The following JAKMIP2 variants were observed in gnomAD, a reference collection of about 807,000 sequenced individuals.
JAKMIP2 encodes the protein janus kinase and microtubule-interacting protein 2.
In JAKMIP2, 25 loss-of-function variants were observed where a neutral mutation model predicts 115.0. That is an observed-to-expected ratio of 0.22 (90% CI 0.16 to 0.30). JAKMIP2 has a LOEUF of 0.30. Among genes scored for constraint, JAKMIP2 ranks in the 10% least tolerant of loss-of-function variants. The pLI, the probability that JAKMIP2 is intolerant of heterozygous loss-of-function variation, is 1.00. For synonymous variants in JAKMIP2, 334 were observed against 343.6 expected, an observed-to-expected ratio of 0.97 and a Z score of 0.31; for missense variants, 642 against 957.6, an observed-to-expected ratio of 0.67 and a Z score of 4.35.
intron 17 of JAKMIP2, among the ~76,000 whole-genome samples, chr5:147,621,931 G>A (rs1756869977): frequency 6.6e-6 from 1 of 152,038 alleles, no homozygotes; most frequent in South Asian, 2.1e-4. Context: ...GCAATGGCGC[G>A]ATCTCGGCTC....
intron 21 of JAKMIP2, chr5:147,594,605 A>G (rs1270929614): frequency 1.3e-5 from 4 of 302,612 alleles, no homozygotes; most frequent in Non-Finnish European, 2.1e-5. Context: ...AAATGCTGTG[A>G]TTACAGAGCC....
chr5:147,679,535 G>A lies in JAKMIP2; in HGVS notation c.-148-7581C>T, dbSNP rs553358439. ...TGCTATGAATGTAGCTCAGAGTGGA[G>A]TGATAAAGCATGAAGACTTCATAAA... On this transcript the variant is annotated intron_variant, in intron 1 of 21. Coordinates refer to ENST00000616793, the MANE Select transcript of JAKMIP2 (RefSeq NM_001270941.2). 4.6e-5 allele frequency among the ~76,000 whole-genome samples: 7 copies of A among 152,356 alleles called. No individual in the cohort carries two copies. The South Asian group carries it at 1.2e-3, about 27-fold the overall frequency.
chr5:147,691,787 C>A (rs1267391393), intron 1 of JAKMIP2, among the ~76,000 whole-genome samples: 1 of 152,158 alleles, frequency 6.6e-6, no homozygotes, highest in Non-Finnish European at 1.5e-5. Context: ...GATGTCCACG[C>A]CTCATGGGAG....
chr5:147,632,917 A>T, intron 12 of JAKMIP2, 139 bp from the exon 13 acceptor site: 1 of 580,854 alleles, frequency 1.7e-6, no homozygotes, highest in Non-Finnish European at 3.1e-6. Context: ...TGTGAATAAA[A>T]TAAGTATTTG....
At chr5:147,606,777 T>C (rs1756037929) in intron 20 of JAKMIP2, among the ~76,000 whole-genome samples, 2 of 152,188 alleles carry the variant, frequency 1.3e-5, no homozygotes, top group African/African-American at 2.4e-5. Context: ...TTGGGCAGTA[T>C]GGCCATTTTC....
intron 1 of JAKMIP2, among the ~76,000 whole-genome samples, chr5:147,771,230 G>A (rs994264951): frequency 1.5e-4 from 23 of 152,174 alleles, no homozygotes; most frequent in African/African-American, 5.1e-4. Flanking sequence ...TCAGAATCTC[G>A]TTCCATCAGT....
intron 16 of JAKMIP2, among the ~76,000 whole-genome samples, chr5:147,628,218 C>T (rs917065556): frequency 1.3e-5 from 2 of 152,086 alleles, no homozygotes; most frequent in African/African-American, 4.8e-5. Context: ...ACTCTGAATA[C>T]ACCAATTTAT....
intron 1 of JAKMIP2, among the ~76,000 whole-genome samples, chr5:147,733,738 G>T (rs1030587011): frequency 6.6e-6 from 1 of 152,132 alleles, no homozygotes; most frequent in Admixed American, 6.6e-5. Flanking sequence ...TCCTGTGTCA[G>T]TTTGCTGAGA....
intron 21 of JAKMIP2, among the ~76,000 whole-genome samples, chr5:147,592,948 A>G (rs1468478941): frequency 6.6e-6 from 1 of 152,186 alleles, no homozygotes; most frequent in African/African-American, 2.4e-5. Flanking sequence ...GTCACAGAGG[A>G]GAACCTGTGG....
chr5:147,658,455 G>T (rs1336370073), intron 3 of JAKMIP2, among the ~76,000 whole-genome samples: 1 of 152,200 alleles, frequency 6.6e-6, no homozygotes, highest in Non-Finnish European at 1.5e-5. Context: ...GTTGGCCCCT[G>T]CTGGGAGGTC....
rs765835727 is a variant in JAKMIP2, at chr5:147,588,950, T to A, written c.*2757A>T. On this transcript the variant is annotated 3_prime_UTR_variant, in exon 22 of 22. Coordinates refer to ENST00000616793, the MANE Select transcript of JAKMIP2 (RefSeq NM_001270941.2). ...GTGTTGGAGCAGACGGAATATAGATTTACTCATATGGGCCCTGCAACAGAA... is the reference window on the plus strand; with the variant it reads ...GTGTTGGAGCAGACGGAATATAGATATACTCATATGGGCCCTGCAACAGAA... The A allele has an allele frequency of 1.3e-5, 2 of 151,896 alleles. No homozygotes were observed. Among genetic ancestry groups the A allele is most frequent in the Non-Finnish European group, 2.9e-5 (2 of 67,944 alleles). The allele number at this position is 151,896 out of a possible 1,614,324, so 9.4% of individuals were successfully genotyped here.
chr5:147,689,432 G>A (rs567295527), intron 1 of JAKMIP2, among the ~76,000 whole-genome samples: 4 of 152,272 alleles, frequency 2.6e-5, no homozygotes, highest in Admixed American at 6.5e-5. Flanking sequence ...GGAATTAAGC[G>A]GACTGGTTTG....
chr5:147,626,456 G>GT (rs1757103155), intron 16 of JAKMIP2, among the ~76,000 whole-genome samples: 1 of 152,218 alleles, frequency 6.6e-6, no homozygotes, highest in African/African-American at 2.4e-5. Flanking sequence ...GGTGCAAGAC[G>GT]TAAGATCATG....
intron 1 of JAKMIP2, among the ~76,000 whole-genome samples, chr5:147,703,495 C>T (rs1752453294): frequency 6.6e-6 from 1 of 151,906 alleles, no homozygotes; most frequent in Non-Finnish European, 1.5e-5. Flanking sequence ...CTAGTCATCA[C>T]TGTATATCAC....
intron 1 of JAKMIP2, among the ~76,000 whole-genome samples, chr5:147,698,949 C>T (rs1388130353): frequency 1.3e-5 from 2 of 152,148 alleles, no homozygotes; most frequent in African/African-American, 4.8e-5. Flanking sequence ...CTGAAAGGCT[C>T]TTCACAGTCT....
At chr5:147,768,890 T>G (rs1009927244) in intron 1 of JAKMIP2, among the ~76,000 whole-genome samples, 1 of 152,128 alleles carries the variant, frequency 6.6e-6, no homozygotes, top group Non-Finnish European at 1.5e-5. Context: ...AACTTTTTTG[T>G]TTATAGACTT....
At chr5:147,719,666 G>A (rs1337767773) in intron 1 of JAKMIP2, among the ~76,000 whole-genome samples, 1 of 151,078 alleles carries the variant, frequency 6.6e-6, no homozygotes, top group Non-Finnish European at 1.5e-5. Flanking sequence ...GACTAGGATT[G>A]CAACCCCTGC....
intron 1 of JAKMIP2, among the ~76,000 whole-genome samples, chr5:147,780,208 T>C (rs1755708149): frequency 1.3e-5 from 2 of 152,122 alleles, no homozygotes; most frequent in Admixed American, 6.5e-5. Context: ...TTGTCTTAAA[T>C]AGTGGGGTCA....
At chr5:147,650,840 C>T (rs1042048690) in intron 3 of JAKMIP2, among the ~76,000 whole-genome samples, 1 of 152,126 alleles carries the variant, frequency 6.6e-6, no homozygotes, top group African/African-American at 2.4e-5. Flanking sequence ...ATGCAAAGGA[C>T]AGTCTAACTT....
Sources: gnomAD v4.1 joint callset for allele counts (sites outside exome capture counted in the v4.1 genomes callset) on GRCh38, gnomAD v4.1.1 for gene constraint, MANE v1.5 for transcripts, NCBI Gene and HGNC (gene_info 2026-07-23, HGNC 2026-07-21) for gene names.